The following NAA50 variants were observed in gnomAD, a reference collection of about 807,000 sequenced individuals.
NAA50 encodes the protein N-alpha-acetyltransferase 50.
NAA50 carries 7 observed loss-of-function variants against 20.7 expected under a neutral mutation model. That is an observed-to-expected ratio of 0.34 (90% CI 0.19 to 0.63). NAA50 has a LOEUF of 0.63. Among genes scored for constraint, NAA50 ranks in the 30% least tolerant of loss-of-function variants. NAA50 has a pLI of 0.75. For missense variants in NAA50, 111 were observed against 199.1 expected (o/e 0.56, Z 2.66); for synonymous variants, 54 against 70.6 (o/e 0.77, Z 1.18).
At chr3:113,730,117 T>G (rs556499878) in intron 1 of NAA50, among the ~76,000 whole-genome samples, 26 of 151,922 alleles carry the variant, frequency 1.7e-4, no homozygotes, top group Non-Finnish European at 3.4e-4. Flanking sequence ...CTGGCCAACA[T>G]GGTGAAACCC....
In NAA50 at chr3:113,746,248, T is replaced by A; in HGVS notation, c.-299A>T. 31 of 285,448 alleles carry A rather than the reference T, an allele frequency of 1.1e-4. No homozygotes were observed. The highest frequency in any genetic ancestry group is 2.9e-4 in the East Asian group (3 of 10,414). The allele number at this position is 285,448 out of a possible 1,614,324, so 17.7% of individuals were successfully genotyped here. ...AGACCCGCTGCCGCGCTGTGACCTT[T>A]CACCCCGCCCCTCGCGCGCCGGCGC... On this transcript the variant is annotated 5_prime_UTR_variant, in exon 1 of 5. Transcript: ENST00000240922.
intron 1 of NAA50, among the ~76,000 whole-genome samples, chr3:113,731,422 T>G (rs1170857567): frequency 5.9e-5 from 9 of 152,208 alleles, no homozygotes; most frequent in African/African-American, 1.7e-4. Flanking sequence ...TTTAGGTGTA[T>G]GAACTCCCTC....
At chr3:113,729,304 G>A (rs1577069220) in intron 1 of NAA50, among the ~76,000 whole-genome samples, 1 of 152,058 alleles carries the variant, frequency 6.6e-6, no homozygotes, top group East Asian at 1.9e-4. Flanking sequence ...TAATATTCTT[G>A]ATATGTTTTC....
intron 1 of NAA50, among the ~76,000 whole-genome samples, chr3:113,732,256 C>CA (rs1559740145): frequency 6.6e-6 from 1 of 152,026 alleles, no homozygotes; most frequent in Non-Finnish European, 1.5e-5. Flanking sequence ...ACTATTCAGA[C>CA]AAAAAAGATT....
chr3:113,726,056 C>T (rs913571497), intron 1 of NAA50, among the ~76,000 whole-genome samples: 1 of 152,108 alleles, frequency 6.6e-6, no homozygotes, highest in Non-Finnish European at 1.5e-5. Context: ...GGAACTTTAT[C>T]CTTCCTGCCT....
chr3:113,728,627 C>A (rs1018249138), intron 1 of NAA50, among the ~76,000 whole-genome samples: 6 of 152,174 alleles, frequency 3.9e-5, no homozygotes, highest in Non-Finnish European at 1.5e-5. Context: ...GAAAAAGAAC[C>A]AATTTTATGA....
At chr3:113,745,866 T>C in intron 1 of NAA50, 76 bp downstream of exon 1, 1 of 1,517,940 alleles carries the variant, frequency 6.6e-7, no homozygotes, top group East Asian at 2.6e-5. Context: ...TCCTCGCCTT[T>C]GCGGCTCTCC....
At chr3:113,723,133 A>G (rs1038349044) in intron 3 of NAA50, among the ~76,000 whole-genome samples, 161 bp from the exon 4 acceptor site, 1 of 152,176 alleles carries the variant, frequency 6.6e-6, no homozygotes, top group African/African-American at 2.4e-5. Context: ...TCTCTACAAT[A>G]GCTACGTATG....
chr3:113,723,886 C>G, intron 2 of NAA50, 73 bp downstream of exon 2: 1 of 1,414,392 alleles, frequency 7.1e-7, no homozygotes, highest in Non-Finnish European at 9.4e-7. Context: ...ACTTCTTCTG[C>G]TCTATAAAAA....
chr3:113,723,897 AC>A, intron 2 of NAA50, 61 bp downstream of exon 2: 7 of 1,440,278 alleles, frequency 4.9e-6, no homozygotes, highest in Non-Finnish European at 6.4e-6. Context: ...TCTATAAAAA[AC>A]TAGGGTTCAA....
At chr3:113,745,394 T>C (rs185114217) in intron 1 of NAA50, among the ~76,000 whole-genome samples, 78 of 152,196 alleles carry the variant, frequency 5.1e-4, no homozygotes, top group African/African-American at 1.8e-3. Context: ...CCTCCTCCAC[T>C]CGCTGTGACC....
chr3:113,735,107 G>A (rs1559740922), intron 1 of NAA50, among the ~76,000 whole-genome samples: 2 of 152,164 alleles, frequency 1.3e-5, no homozygotes, highest in African/African-American at 2.4e-5. Flanking sequence ...GACTACCAAG[G>A]ATGTCTGTAG....
At chr3:113,723,735 A>G in intron 2 of NAA50, 194 bp from the exon 3 acceptor site, 1 of 787,014 alleles carries the variant, frequency 1.3e-6, no homozygotes, top group East Asian at 2.8e-5. Context: ...TAAAGTGAAA[A>G]CACACAGGTA....
intron 1 of NAA50, among the ~76,000 whole-genome samples, chr3:113,731,004 T>C (rs763568919): frequency 3.9e-5 from 6 of 152,216 alleles, no homozygotes; most frequent in Non-Finnish European, 8.8e-5. Flanking sequence ...CATCAGCATT[T>C]GGCATTGTTA....
chr3:113,729,568 G>T (rs1249095862), intron 1 of NAA50, among the ~76,000 whole-genome samples: 3 of 149,138 alleles, frequency 2.0e-5, no homozygotes, highest in African/African-American at 4.9e-5. Flanking sequence ...TTGAGATGAG[G>T]GTCTCAACTC....
intron 1 of NAA50, among the ~76,000 whole-genome samples, chr3:113,732,427 A>G (rs1247808090): frequency 6.6e-6 from 1 of 152,168 alleles, no homozygotes; most frequent in Non-Finnish European, 1.5e-5. Flanking sequence ...TATCTTTAAA[A>G]ATTACCACAA....
At chr3:113,723,395 A>G in intron 3 of NAA50, 27 bp downstream of exon 3, 15 of 1,586,902 alleles carry the variant, frequency 9.5e-6, no homozygotes, top group Non-Finnish European at 1.3e-5. Context: ...GCTTCTCTGA[A>G]GAAGTAAAAA....
chr3:113,726,666 C>A (rs995517493), intron 1 of NAA50, among the ~76,000 whole-genome samples: 1 of 151,554 alleles, frequency 6.6e-6, no homozygotes, highest in Non-Finnish European at 1.5e-5. Context: ...ATCACTGGAA[C>A]CCAGGAGGCA....
chr3:113,741,087 T>C (rs1577073426), intron 1 of NAA50: 4 of 529,692 alleles, frequency 7.6e-6, no homozygotes, highest in East Asian at 9.8e-5. Flanking sequence ...ACAGCATTAA[T>C]TGTTTTCAGA....
Sources: gnomAD v4.1 joint callset for allele counts (sites outside exome capture counted in the v4.1 genomes callset) on GRCh38, gnomAD v4.1.1 for gene constraint, MANE v1.5 for transcripts, NCBI Gene and HGNC (gene_info 2026-07-23, HGNC 2026-07-21) for gene names.